RAI14: variants seen among roughly 807,000 people sequenced by gnomAD.
RAI14 encodes the protein retinoic acid induced 14, also known as ankycorbin.
Under a neutral mutation model 115.4 loss-of-function variants are expected in RAI14, and 45 were observed. That is an observed-to-expected ratio of 0.39 (90% CI 0.31 to 0.50). RAI14 has a LOEUF of 0.50. Ranked by LOEUF, RAI14 falls within the 20% of genes least tolerant of loss-of-function variation. RAI14 has a pLI of 0.85. For missense variants in RAI14, 939 were observed against 1,131.2 expected (o/e 0.83, Z 2.44); for synonymous variants, 371 against 415.4 (o/e 0.89, Z 1.30).
chr5:34,672,150 G>A (rs1743660253), intron 1 of RAI14, among the ~76,000 whole-genome samples: 2 of 152,192 alleles, frequency 1.3e-5, no homozygotes, highest in South Asian at 4.1e-4. Context: ...ATTAACCCAT[G>A]TGGACTTTTT....
intron 16 of RAI14, among the ~76,000 whole-genome samples, chr5:34,828,521 G>GTGTGTGTATCACAAATCATA (rs11273829): frequency 2.6e-5 from 4 of 151,626 alleles, no homozygotes; most frequent in Non-Finnish European, 4.4e-5. Flanking sequence ...CTTATGATGT[G>GTGTGTGTATCACAAATCATA]AACTTAAAGG....
At chr5:34,703,116 G>C (rs1431909277) in intron 2 of RAI14, among the ~76,000 whole-genome samples, 1 of 152,220 alleles carries the variant, frequency 6.6e-6, no homozygotes, top group Non-Finnish European at 1.5e-5. Context: ...AGAGAGGAAA[G>C]TTTTAGAGTC....
chr5:34,728,537 A>G (rs1396802399), intron 2 of RAI14: 1 of 151,776 alleles, frequency 6.6e-6, no homozygotes, highest in Non-Finnish European at 1.5e-5. Context: ...ACAAGATCTC[A>G]TGGTTTTATA....
At chr5:34,774,375 T>C (rs750411455) in intron 3 of RAI14, among the ~76,000 whole-genome samples, 2 of 151,424 alleles carry the variant, frequency 1.3e-5, no homozygotes, top group Non-Finnish European at 2.9e-5. Flanking sequence ...TGCACAAAAA[T>C]AAACAAACAA....
At chr5:34,810,400 A>T (rs1202275718) in intron 7 of RAI14, among the ~76,000 whole-genome samples, 1 of 152,232 alleles carries the variant, frequency 6.6e-6, no homozygotes, top group African/African-American at 2.4e-5. Context: ...TATGAGTTGG[A>T]GACCTAGATT....
intron 2 of RAI14, among the ~76,000 whole-genome samples, chr5:34,722,879 G>T (rs1742955909): frequency 6.6e-6 from 1 of 151,998 alleles, no homozygotes; most frequent in African/African-American, 2.4e-5. Flanking sequence ...AGACCAGCCT[G>T]ACCAACATGG....
At chr5:34,810,353 A>G (rs1401890351) in intron 7 of RAI14, among the ~76,000 whole-genome samples, 2 of 152,194 alleles carry the variant, frequency 1.3e-5, no homozygotes, top group Non-Finnish European at 2.9e-5. Flanking sequence ...TTTATATTGT[A>G]ATGTTTAAAT....
At chr5:34,666,943 G>A (rs925051782) in intron 1 of RAI14, among the ~76,000 whole-genome samples, 3 of 152,174 alleles carry the variant, frequency 2.0e-5, no homozygotes, top group Admixed American at 6.5e-5. Flanking sequence ...AGATATGGTC[G>A]CAATCTGCCA....
chr5:34,771,503 G>C (rs116413306), intron 3 of RAI14, among the ~76,000 whole-genome samples: 1 of 152,232 alleles, frequency 6.6e-6, no homozygotes, highest in Non-Finnish European at 1.5e-5. Context: ...TATTTCAGCC[G>C]GTAATCAGAA....
At position 34,803,658 on chromosome 5, in the gene RAI14, T is replaced by G; in HGVS notation, c.257-54T>G. 3.5e-6 allele frequency: 5 copies of G among 1,426,760 alleles called. No homozygotes were observed. The South Asian group carries it at 6.3e-5, about 18-fold the overall frequency. The allele number at this position is 1,426,760 out of a possible 1,614,324, so 88.4% of individuals were successfully genotyped here. The stretch of plus-strand genomic sequence containing the variant: ...CTTCTCATATATAAGAAAGAGATTT[T>G]TTTTAAAGTGTGGCCTTTTTAAAAA... On this transcript the variant is annotated intron_variant, in intron 4 of 17. Transcript: ENST00000265109.
rs371462831 is a variant in RAI14, at chr5:34,752,749, G to GTGTA, written c.37-4718_37-4717insGTAT. Among the ~76,000 whole-genome samples the GTGTA allele has an allele frequency of 4.7e-3, 505 of 107,006 alleles. 9 individuals carry two copies. Among genetic ancestry groups the GTGTA allele is most frequent in the South Asian group, 7.0e-3 (22 of 3,144 alleles). The allele number at this position is 107,006 out of a possible 152,430, so 70.2% of individuals were successfully genotyped here. On this transcript the variant is annotated intron_variant, in intron 2 of 17. Coordinates refer to ENST00000265109, the MANE Select transcript of RAI14 (RefSeq NM_015577.3). ...TGTGTGTGTGTGTGTGTGTGTGTGT[G>GTGTA]TATATATATATATATATGTATCTTT...
intron 2 of RAI14, among the ~76,000 whole-genome samples, chr5:34,697,519 C>G (rs1219740567): frequency 4.6e-5 from 7 of 151,298 alleles, no homozygotes; most frequent in African/African-American, 1.7e-4. Context: ...ACCAGTCAGG[C>G]TTTTCCTTTT....
rs761812075 is a variant in RAI14, at chr5:34,823,780, C to T, written c.1938C>T (p.Ser646=). ...RMIDELNKQV[S]ELSQLYKEAQ... is the part of the protein sequence containing the mutation. ...TAGATGAACTCAATAAACAGGTGAG[C>T]GAGCTGTCACAGCTGTACAAAGAAG... is the stretch of plus-strand genomic sequence containing the variant. Residue 646 remains serine (S), a synonymous_variant, in exon 15 of 18, where the codon AGC becomes AGT. Coordinates refer to ENST00000265109, the MANE Select transcript of RAI14 (RefSeq NM_015577.3). This position sits in a 1 kb window ranked among gnomAD's most constrained non-coding sequence, Gnocchi z 4.5. The T allele has an allele frequency of 2.2e-5, 36 of 1,613,952 alleles. No individual in the cohort carries two copies. The highest frequency in any genetic ancestry group is 1.1e-4 in the African/African-American group (8 of 74,904).
chr5:34,679,589 T>C (rs1257553399), intron 1 of RAI14, among the ~76,000 whole-genome samples: 1 of 152,118 alleles, frequency 6.6e-6, no homozygotes, highest in Non-Finnish European at 1.5e-5. Context: ...GCCTCCAGGG[T>C]ACTAGCTGAT....
In RAI14 at chr5:34,803,705, C is replaced by A. The variant is rs778736974; in HGVS notation, c.257-7C>A. ...AAAAAAATTATTATTTGAAAAAATCCATTTAGGACACAGCGCCTTACATCT... is the reference window on the plus strand; with the variant it reads ...AAAAAAATTATTATTTGAAAAAATCAATTTAGGACACAGCGCCTTACATCT... On this transcript the variant is annotated splice_region_variant and splice_polypyrimidine_tract_variant and intron_variant, in intron 4 of 17. Transcript: ENST00000265109. 1 of 1,598,268 alleles carries A rather than the reference C, an allele frequency of 6.3e-7. No homozygotes were observed. Among genetic ancestry groups the A allele is most frequent in the East Asian group, 2.2e-5 (1 of 44,690 alleles).
rs1757447136 is a variant in RAI14 at position 34,826,328 on chromosome 5, A to G, written c.2650-2A>G. The G allele has an allele frequency of 1.2e-6, 2 of 1,613,358 alleles. No homozygotes were observed. The highest frequency in any genetic ancestry group is 1.7e-6 in the Non-Finnish European group (2 of 1,179,616). On this transcript the variant is annotated splice_acceptor_variant, in intron 15 of 17. Coordinates refer to ENST00000265109, the MANE Select transcript of RAI14 (RefSeq NM_015577.3). LOFTEE classifies it high-confidence loss of function. The stretch of plus-strand genomic sequence containing the variant: ...GCTAATACCATTTTCCTTTGCCCCT[A>G]GATAAATGAGATGTCGAAGGAAGTC...
chr5:34,722,653 C>G (rs1742918416), intron 2 of RAI14, among the ~76,000 whole-genome samples: 1 of 152,100 alleles, frequency 6.6e-6, no homozygotes, highest in South Asian at 2.1e-4. Context: ...CGGTACCAGC[C>G]TGGCCAGCAT....
chr5:34,782,022 G>C (rs115438533), intron 3 of RAI14, among the ~76,000 whole-genome samples: 4,112 of 152,324 alleles, frequency 0.027, 194 homozygotes, highest in African/African-American at 0.093. Flanking sequence ...GGGTAGTTAT[G>C]TGCAGCAGGA....
rs577911062 is a variant in RAI14, at chr5:34,809,438, T to A, written c.450+784T>A. 2.6e-5 allele frequency among the ~76,000 whole-genome samples: 4 copies of A among 152,300 alleles called. No homozygotes were observed. In the East Asian group the frequency reaches 7.7e-4, roughly 29 times the overall value. On this transcript the variant is annotated intron_variant, in intron 7 of 17. Transcript: ENST00000265109. Reference sequence around the variant, plus strand: ...AAAGAGATCTTGGCTGAAGATTCATTTGATGAATCCGATTTTTCTGAGACA... The same window carrying A: ...AAAGAGATCTTGGCTGAAGATTCATATGATGAATCCGATTTTTCTGAGACA...
Sources: gnomAD v4.1 joint callset for allele counts (sites outside exome capture counted in the v4.1 genomes callset) on GRCh38, gnomAD v4.1.1 for gene constraint, Gnocchi (gnomAD v3.1) non-coding constraint, MANE v1.5 for transcripts, NCBI Gene and HGNC (gene_info 2026-07-23, HGNC 2026-07-21) for gene names.